CARM1: variants seen among roughly 807,000 people sequenced by gnomAD.
The protein encoded by CARM1 is histone-arginine methyltransferase CARM1.
CARM1 carries 14 observed loss-of-function variants against 72.7 expected under a neutral mutation model. The observed-to-expected ratio is 0.19, with a 90% CI of 0.13 to 0.30. The LOEUF is 0.30. Among genes scored for constraint, CARM1 ranks in the 10% least tolerant of loss-of-function variants. The pLI is 1.00. For missense variants in CARM1, 432 were observed against 833.7 expected (o/e 0.52, Z 5.93); for synonymous variants, 333 against 345.5 (o/e 0.96, Z 0.40).
intron 1 of CARM1, among the ~76,000 whole-genome samples, chr19:10,891,442 T>C (rs765015962): frequency 9.9e-5 from 15 of 152,112 alleles, no homozygotes; most frequent in South Asian, 2.1e-4. Flanking sequence ...TTGGGCTGAC[T>C]GCCCCACGTC....
intron 1 of CARM1, among the ~76,000 whole-genome samples, chr19:10,872,396 G>T (rs925905106): frequency 6.6e-6 from 1 of 152,156 alleles, no homozygotes; most frequent in Non-Finnish European, 1.5e-5. Flanking sequence ...GCTCAGGACG[G>T]TTGGAAAGTG....
intron 1 of CARM1, among the ~76,000 whole-genome samples, chr19:10,876,159 G>A (rs1434157926): frequency 6.6e-6 from 1 of 152,072 alleles, no homozygotes. Flanking sequence ...GATTACAGGT[G>A]TGAGCCACCG....
intron 3 of CARM1, chr19:10,908,456 A>G (rs1644228142): frequency 3.3e-6 from 1 of 306,638 alleles, no homozygotes; most frequent in Admixed American, 4.5e-5. Flanking sequence ...CCTGCATGCC[A>G]GGCCCTGGTC....
chr19:10,914,815 C>CA (rs2074182198), intron 6 of CARM1, among the ~76,000 whole-genome samples: 1 of 152,206 alleles, frequency 6.6e-6, no homozygotes, highest in Admixed American at 6.5e-5. Context: ...CTCAGCCTCC[C>CA]AAAGTGTTGG....
Position 10,880,141 on chromosome 19 carries a change from T to G in CARM1, c.220+8219T>G, listed in dbSNP as rs938610422. Among the ~76,000 whole-genome samples the G allele has an allele frequency of 2.8e-4, 42 of 152,232 alleles. 1 individual carries two copies. Among genetic ancestry groups the G allele is most frequent in the Non-Finnish European group, 1.8e-4 (12 of 67,976 alleles). ...GGCTCAGGAAGACCTCTGTGGCAGGTGTGTCTCCTTTCTGCGGAAACCTGC... is the reference window on the plus strand; with the variant it reads ...GGCTCAGGAAGACCTCTGTGGCAGGGGTGTCTCCTTTCTGCGGAAACCTGC... On this transcript the variant is annotated intron_variant, in intron 1 of 15. Transcript: ENST00000327064.
intron 1 of CARM1, among the ~76,000 whole-genome samples, chr19:10,901,640 G>T (rs933381361): frequency 2.0e-5 from 3 of 150,716 alleles, no homozygotes; most frequent in African/African-American, 7.3e-5. Flanking sequence ...TCTCTTTGTT[G>T]TTGAGTTAAA....
chr19:10,913,898 C>G lies in CARM1; in HGVS notation c.691C>G (p.Leu231Val). ...GCAGGTCTTGGTGAAGAGTAACAAC[C>G]TGACGGACCGCATCGTGGTCATCCC... ...HAEVLVKSNN[L>V]TDRIVVIPGK... Residue 231 changes from leucine (L) to valine (V), a missense_variant, in exon 6 of 16, where the codon CTG (leucine) becomes GTG (valine). By Grantham distance (32) the Leu-to-Val change is conservative. This residue lies in a region of CARM1 where 152 missense variants were observed against 452.8 expected (regional missense o/e 0.34). Transcript: ENST00000327064. 1 of 1,613,344 alleles carries G rather than the reference C, an allele frequency of 6.2e-7. No individual in the cohort carries two copies. Among genetic ancestry groups the G allele is most frequent in the Non-Finnish European group, 8.5e-7 (1 of 1,179,874 alleles).
At chr19:10,875,459 C>G (rs988859557) in intron 1 of CARM1, among the ~76,000 whole-genome samples, 13 of 151,668 alleles carry the variant, frequency 8.6e-5, no homozygotes, top group African/African-American at 3.2e-4. Flanking sequence ...GAGTCTGGCT[C>G]TGTCACCCAG....
intron 3 of CARM1, chr19:10,908,410 A>C (rs1464352815): frequency 2.3e-6 from 1 of 430,174 alleles, no homozygotes; most frequent in Non-Finnish European, 4.3e-6. Context: ...AGGCGTTGTG[A>C]ATAACGGTAG....
At chr19:10,894,921 A>G (rs1373253809) in intron 1 of CARM1, among the ~76,000 whole-genome samples, 1 of 151,450 alleles carries the variant, frequency 6.6e-6, no homozygotes, top group East Asian at 1.9e-4. Flanking sequence ...TTTTATTATT[A>G]TTTGTAGAAG....
chr19:10,900,904 C>T (rs1274369133), intron 1 of CARM1, among the ~76,000 whole-genome samples: 3 of 151,670 alleles, frequency 2.0e-5, no homozygotes, highest in South Asian at 2.1e-4. Flanking sequence ...AGGATGGTCT[C>T]GATCTCCTGA....
chr19:10,883,578 G>C (rs1449830810), intron 1 of CARM1, among the ~76,000 whole-genome samples: 1 of 152,180 alleles, frequency 6.6e-6, no homozygotes, highest in East Asian at 1.9e-4. Context: ...TAAGAGACAG[G>C]GTCTTGCTGT....
chr19:10,875,134 A>G (rs2073853125), intron 1 of CARM1, among the ~76,000 whole-genome samples: 1 of 152,174 alleles, frequency 6.6e-6, no homozygotes, highest in Non-Finnish European at 1.5e-5. Context: ...TTAAGACAAC[A>G]GGAATGGATT....
chr19:10,877,455 C>G (rs145845101), intron 1 of CARM1, among the ~76,000 whole-genome samples: 1 of 152,278 alleles, frequency 6.6e-6, no homozygotes, highest in African/African-American at 2.4e-5. Context: ...CAGAGTCTCA[C>G]TGTGTTGCCC....
At chr19:10,898,593 G>T (rs1383777565) in intron 1 of CARM1, among the ~76,000 whole-genome samples, 2 of 152,238 alleles carry the variant, frequency 1.3e-5, no homozygotes, top group African/African-American at 4.8e-5. Context: ...CTGAATGGCC[G>T]CTTTGGGAGG....
At chr19:10,875,741 A>G (rs1281309893) in intron 1 of CARM1, among the ~76,000 whole-genome samples, 2 of 150,054 alleles carry the variant, frequency 1.3e-5, no homozygotes, top group South Asian at 2.1e-4. Context: ...TTCTTTTCTT[A>G]TAAGGACACT....
In CARM1 at chr19:10,912,518, C is replaced by CTT. The variant is rs201894360; in HGVS notation, c.669+237_669+238dup. On this transcript the variant is annotated intron_variant, in intron 5 of 15. Transcript: ENST00000327064. This position sits in a 1 kb window ranked among gnomAD's most constrained non-coding sequence, Gnocchi z 4.5. ...GGGCCACATGTCATTTCCCTGTTTT[C>CTT]TTTTTTTTTTTTTTGCACTGAAACC... is the stretch of plus-strand genomic sequence containing the variant. Among the ~76,000 whole-genome samples, 2 of 141,770 alleles carry CTT rather than the reference C, an allele frequency of 1.4e-5. No individual in the cohort carries two copies. Among genetic ancestry groups the CTT allele is most frequent in the Non-Finnish European group, 1.6e-5 (1 of 64,426 alleles). 93.0% of individuals were successfully genotyped at this position (141,770 alleles called of 152,430 possible).
At chr19:10,910,730 A>G (rs1446619045) in intron 4 of CARM1, among the ~76,000 whole-genome samples, 1 of 150,678 alleles carries the variant, frequency 6.6e-6, no homozygotes, top group Non-Finnish European at 1.5e-5. Flanking sequence ...CAAGCCCAGC[A>G]GATTTTTGTA....
chr19:10,903,064 T>G (rs994859997), intron 1 of CARM1, among the ~76,000 whole-genome samples: 2 of 152,220 alleles, frequency 1.3e-5, no homozygotes, highest in Non-Finnish European at 2.9e-5. Flanking sequence ...GGGTTTAACT[T>G]CATTCTTTTC....
Sources: allele counts gnomAD v4.1 joint callset (sites outside exome capture counted in the v4.1 genomes callset), GRCh38; gene constraint gnomAD v4.1.1; regional missense constraint gnomAD v4.1.1; non-coding constraint Gnocchi (gnomAD v3.1); transcripts MANE v1.5; gene names NCBI Gene and HGNC (gene_info 2026-07-23, HGNC 2026-07-21).